The following DYM variants were observed in gnomAD, a reference collection of about 807,000 sequenced individuals.
DYM encodes dyggve-Melchior-Clausen syndrome protein.
A neutral mutation model predicts 93.1 loss-of-function variants in DYM; 78 were observed. The ratio of observed to expected loss-of-function variants is 0.84; its 90% CI spans 0.70 to 1.01. DYM has a LOEUF of 1.01. Among genes scored for constraint, DYM ranks in the 50% least tolerant of loss-of-function variants. The pLI is 0.00. For synonymous variants in DYM, 321 were observed against 319.7 expected, an observed-to-expected ratio of 1.00 and a Z score of -0.04; for missense variants, 789 against 845.0, an observed-to-expected ratio of 0.93 and a Z score of 0.82.
intron 13 of DYM, among the ~76,000 whole-genome samples, chr18:49,232,107 T>G (rs1185173100): frequency 6.6e-6 from 1 of 152,186 alleles, no homozygotes; most frequent in Non-Finnish European, 1.5e-5. Flanking sequence ...TTTTACCTAC[T>G]GAAATACTAT....
intron 13 of DYM, among the ~76,000 whole-genome samples, chr18:49,255,378 T>TA (rs1277320212): frequency 4.8e-5 from 7 of 147,030 alleles, no homozygotes; most frequent in Admixed American, 2.0e-4. Context: ...ACCCTGTCTT[T>TA]AAAAAAACAA....
rs1475652374 is a variant in DYM, at chr18:49,435,827, A to ATTTT, written c.-53-5381_-53-5380insAAAA. On this transcript the variant is annotated intron_variant, in intron 1 of 17. Transcript: ENST00000675505. ...AACAAACAAACAAAAAAGAATCTAC[A>ATTTT]TGTCCCAGAGAGGTGCCAACAAATC... Among the ~76,000 whole-genome samples, 23 of 152,204 alleles carry ATTTT rather than the reference A, an allele frequency of 1.5e-4. No individual in the cohort carries two copies. In the South Asian group the frequency reaches 2.9e-3, roughly 19 times the overall value.
Position 49,286,460 on chromosome 18 carries a change from G to T in DYM, c.920C>A (p.Ala307Asp). ...TTGTGTGTTCTTGAAGGACATAATG[G>T]CTTGTCTGTAGGGGTTTGGCGCATC... The part of the protein sequence containing the change: ...ASDAPNPYRQ[A>D]IMSFKNTQDS... The change falls in exon 9 of 18, where the codon GCC becomes GAC. Residue 307 changes from alanine (A) to aspartate (D), a missense_variant. Around this residue, in one of 3 missense-constraint regions of DYM, gnomAD observed 450 missense variants for 436.2 expected, o/e 1.03. Transcript: ENST00000675505. The T allele has an allele frequency of 6.2e-7, 1 of 1,614,100 alleles. No homozygotes were observed. Among genetic ancestry groups the T allele is most frequent in the Non-Finnish European group, 8.5e-7 (1 of 1,179,992 alleles).
intron 17 of DYM, among the ~76,000 whole-genome samples, chr18:49,084,718 G>A (rs774285192): frequency 5.1e-4 from 78 of 152,086 alleles, no homozygotes; most frequent in Non-Finnish European, 1.0e-3. Context: ...ATACATCAGT[G>A]GACAGGAACA....
rs573092468 is a variant in DYM, at chr18:49,425,259, T to C, written c.140+4996A>G. On this transcript the variant is annotated intron_variant, in intron 2 of 17. Transcript: ENST00000675505. Reference sequence around the variant, plus strand: ...ATACCACACATCTGCAACCATCTGATCTTTGACAAACCTGACAAAAACAAG... The same window carrying C: ...ATACCACACATCTGCAACCATCTGACCTTTGACAAACCTGACAAAAACAAG... Among the ~76,000 whole-genome samples the C allele has an allele frequency of 1.6e-4, 25 of 152,304 alleles. No individual in the cohort carries two copies. In the South Asian group the frequency reaches 4.6e-3, roughly 28 times the overall value.
chr18:49,043,940 C>A lies in DYM; in HGVS notation c.*115G>T. 1 of 1,275,556 alleles carries A rather than the reference C, an allele frequency of 7.8e-7. No individual in the cohort carries two copies. Among genetic ancestry groups the A allele is most frequent in the South Asian group, 1.4e-5 (1 of 74,012 alleles). The allele number at this position is 1,275,556 out of a possible 1,614,324, so 79.0% of individuals were successfully genotyped here. On this transcript the variant is annotated 3_prime_UTR_variant, in exon 18 of 18. Coordinates refer to ENST00000675505, the MANE Select transcript of DYM (RefSeq NM_001353214.3). ...TGTGAGGAAAACACACTCGTGCAAT[C>A]CTCTTTAACAGAAGATACACCAAGT...
Position 49,060,574 on chromosome 18 carries a change from G to T in DYM, c.2026-16370C>A, listed in dbSNP as rs140021698. Among the ~76,000 whole-genome samples, 516 of 148,238 alleles carry T rather than the reference G, an allele frequency of 3.5e-3. 15 individuals carry two copies. Among genetic ancestry groups the T allele is most frequent in the Admixed American group, 0.033 (489 of 14,830 alleles). On this transcript the variant is annotated intron_variant, in intron 17 of 17. Coordinates refer to ENST00000675505, the MANE Select transcript of DYM (RefSeq NM_001353214.3). ...TGTGTGCCATGCAGCCCCAGGTCAGGCATTGCTGAGTGAGGAACAGTACCC... is the reference window on the plus strand; with the variant it reads ...TGTGTGCCATGCAGCCCCAGGTCAGTCATTGCTGAGTGAGGAACAGTACCC...
intron 14 of DYM, among the ~76,000 whole-genome samples, chr18:49,202,601 C>T (rs374913453): frequency 0.03 from 3,766 of 123,698 alleles, 159 homozygotes; most frequent in African/African-American, 0.11. Flanking sequence ...CGTCTCTGCC[C>T]GGCCGCCCAT....
chr18:49,166,816 A>G (rs1322754100), intron 14 of DYM, among the ~76,000 whole-genome samples: 1 of 152,168 alleles, frequency 6.6e-6, no homozygotes. Context: ...TGGCTACCCA[A>G]ACAAAAAAAG....
At chr18:49,093,199 G>T (rs946460301) in intron 17 of DYM, 1 of 152,184 alleles carries the variant, frequency 6.6e-6, no homozygotes, top group African/African-American at 2.4e-5. Context: ...TAGAAAGCGG[G>T]GAGCATGATC....
chr18:49,146,385 G>A (rs951193435), intron 15 of DYM, among the ~76,000 whole-genome samples: 1 of 152,112 alleles, frequency 6.6e-6, no homozygotes, highest in Non-Finnish European at 1.5e-5. Flanking sequence ...TATTCAATTC[G>A]GAAAAGAGGA....
At chr18:49,285,117 G>A (rs2095091203) in intron 9 of DYM, among the ~76,000 whole-genome samples, 1 of 152,182 alleles carries the variant, frequency 6.6e-6, no homozygotes, top group African/African-American at 2.4e-5. Context: ...CTGCATCTTA[G>A]ATTGACTTCC....
chr18:49,073,346 T>C (rs1429510855), intron 17 of DYM, among the ~76,000 whole-genome samples: 1 of 152,230 alleles, frequency 6.6e-6, no homozygotes, highest in Admixed American at 6.5e-5. Context: ...AGTACAAATA[T>C]GTTTACTGAA....
At chr18:49,147,891 C>A (rs139191287) in intron 15 of DYM, among the ~76,000 whole-genome samples, 3 of 152,258 alleles carry the variant, frequency 2.0e-5, no homozygotes, top group South Asian at 4.2e-4. Context: ...GACACATGCA[C>A]GTGTATGTTT....
intron 2 of DYM, among the ~76,000 whole-genome samples, chr18:49,421,155 C>A (rs534188111): frequency 1.3e-3 from 199 of 152,288 alleles, no homozygotes; most frequent in African/African-American, 4.5e-3. Flanking sequence ...AGTAGTGGTT[C>A]TCCCAGCACG....
At chr18:49,202,967 C>A (rs1160751376) in intron 14 of DYM, among the ~76,000 whole-genome samples, 3 of 116,084 alleles carry the variant, frequency 2.6e-5, no homozygotes, top group Admixed American at 8.5e-5. Context: ...GGTCAGCCCC[C>A]CCGCCCGGCC....
chr18:49,348,385 G>C (rs879652586), intron 6 of DYM, among the ~76,000 whole-genome samples: 2 of 152,082 alleles, frequency 1.3e-5, no homozygotes, highest in Non-Finnish European at 2.9e-5. Context: ...ATAATGGCCA[G>C]TTTTAAAAAT....
At chr18:49,133,737 C>A (rs2083578449) in intron 15 of DYM, among the ~76,000 whole-genome samples, 1 of 152,184 alleles carries the variant, frequency 6.6e-6, no homozygotes, top group African/African-American at 2.4e-5. Flanking sequence ...TTTGGCTGGA[C>A]AAAAAGTTCT....
At chr18:49,108,169 A>C (rs1318672489) in intron 16 of DYM, among the ~76,000 whole-genome samples, 2 of 152,164 alleles carry the variant, frequency 1.3e-5, no homozygotes, top group Non-Finnish European at 2.9e-5. Flanking sequence ...TGTGCTAGCA[A>C]TGAGCGAGGC....
Sources: gnomAD v4.1 joint callset for allele counts (sites outside exome capture counted in the v4.1 genomes callset) on GRCh38, gnomAD v4.1.1 for gene constraint, gnomAD v4.1.1 regional missense constraint, MANE v1.5 for transcripts, NCBI Gene and HGNC (gene_info 2026-07-23, HGNC 2026-07-21) for gene names.